Variants in MEGF11 observed in about 807,000 individuals in gnomAD.
The protein encoded by MEGF11 is multiple epidermal growth factor-like domains protein 11.
In MEGF11, 126 loss-of-function variants were observed where a neutral mutation model predicts 146.6. The observed-to-expected ratio is 0.86, with a 90% CI of 0.74 to 1.00. The LOEUF (loss-of-function observed/expected upper bound fraction) is 1.00. Among genes scored for constraint, MEGF11 ranks in the 50% least tolerant of loss-of-function variants. The pLI, the probability that MEGF11 is intolerant of heterozygous loss-of-function variation, is 0.00. For missense variants in MEGF11, 1,509 were observed against 1,521.2 expected, an observed-to-expected ratio of 0.99 and a Z score of 0.13; for synonymous variants, 532 against 583.4, an observed-to-expected ratio of 0.91 and a Z score of 1.27.
chr15:65,905,306 T>C (rs2078593625), intron 24 of MEGF11: 1 of 152,266 alleles, frequency 6.6e-6, no homozygotes, highest in Non-Finnish European at 1.5e-5. Flanking sequence ...TTACTCATGA[T>C]AACCTTGTTA....
intron 18 of MEGF11, among the ~76,000 whole-genome samples, chr15:65,915,816 C>T (rs1382409731): frequency 6.6e-6 from 1 of 152,066 alleles, no homozygotes. Flanking sequence ...CCTCATGCAA[C>T]ACATTTAAGC....
intron 10 of MEGF11, among the ~76,000 whole-genome samples, chr15:65,945,544 G>GT (rs1371539559): frequency 2.6e-5 from 4 of 152,202 alleles, no homozygotes; most frequent in Non-Finnish European, 5.9e-5. Flanking sequence ...TGCCACGCCA[G>GT]TTTATTTATT....
intron 1 of MEGF11, among the ~76,000 whole-genome samples, chr15:66,143,110 C>A (rs922992486): frequency 2.0e-5 from 3 of 152,156 alleles, no homozygotes; most frequent in Non-Finnish European, 4.4e-5. Flanking sequence ...TGCCACAGTG[C>A]GGATATCAAT....
intron 17 of MEGF11, 121 bp downstream of exon 17, chr15:65,916,707 A>G: frequency 6.7e-7 from 1 of 1,501,730 alleles, no homozygotes; most frequent in Non-Finnish European, 9.1e-7. Flanking sequence ...GGAGTCAGGT[A>G]CCACCAGTCC....
chr15:66,240,598 C>T (rs12050792), intron 1 of MEGF11, among the ~76,000 whole-genome samples: 14,538 of 152,274 alleles, frequency 0.095, 1,274 homozygotes, highest in East Asian at 0.46. Context: ...AAGCCTTTTA[C>T]CTGCCTTGTT....
chr15:66,058,226 AT>A (rs2084760130), intron 5 of MEGF11, among the ~76,000 whole-genome samples: 1 of 152,204 alleles, frequency 6.6e-6, no homozygotes, highest in South Asian at 2.1e-4. Flanking sequence ...TCTCAGCCAT[AT>A]AACAGGGCAA....
At chr15:66,037,722 T>C (rs2083780682) in intron 5 of MEGF11, among the ~76,000 whole-genome samples, 1 of 152,244 alleles carries the variant, frequency 6.6e-6, no homozygotes, top group Admixed American at 6.5e-5. Flanking sequence ...CAGGAGTTTA[T>C]TTCCCTTATT....
chr15:66,123,610 T>C (rs2088161718), intron 3 of MEGF11, among the ~76,000 whole-genome samples: 1 of 152,172 alleles, frequency 6.6e-6, no homozygotes, highest in East Asian at 1.9e-4. Flanking sequence ...CTAAGAGATG[T>C]TCCTGCCATC....
intron 25 of MEGF11, 169 bp downstream of exon 25, chr15:65,898,559 A>T (rs759939535): frequency 2.0e-6 from 2 of 985,256 alleles, no homozygotes; most frequent in African/African-American, 1.7e-5. Context: ...GACTTCCTGC[A>T]TTAGCTAGGA....
At chr15:65,925,231 C>A (rs1410926122) in intron 13 of MEGF11, among the ~76,000 whole-genome samples, 1 of 152,224 alleles carries the variant, frequency 6.6e-6, no homozygotes, top group East Asian at 1.9e-4. Flanking sequence ...TATAGCTACT[C>A]TCATTGTGGA....
At chr15:66,233,951 CT>C (rs57240560) in intron 1 of MEGF11, among the ~76,000 whole-genome samples, 1,633 of 119,830 alleles carry the variant, frequency 0.014, 13 homozygotes, top group South Asian at 0.08. Context: ...TTTTCTTTTT[CT>C]TTTTTTTTTT....
At chr15:66,024,408 C>T (rs2083260648) in intron 5 of MEGF11, among the ~76,000 whole-genome samples, 1 of 152,240 alleles carries the variant, frequency 6.6e-6, no homozygotes, top group Non-Finnish European at 1.5e-5. Flanking sequence ...GTGGAGGACA[C>T]TGAGGCTTGG....
In MEGF11 at chr15:66,225,407, A is replaced by G. The variant is rs143663681; in HGVS notation, c.-9+28198T>C. On this transcript the variant is annotated intron_variant, in intron 1 of 25. Coordinates refer to ENST00000395614, the MANE Select transcript of MEGF11 (RefSeq NM_001385028.1). ...CTGAGGATGCTGTTCTCCGTAGGTA[A>G]TATGGCCTTCAAGAGCCCTAGTGAG... Among the ~76,000 whole-genome samples the G allele has an allele frequency of 5.0e-3, 760 of 152,360 alleles. 5 individuals carry two copies. The highest frequency in any genetic ancestry group is 6.6e-3 in the Non-Finnish European group (450 of 68,034).
chr15:66,108,517 A>C (rs1472408450), intron 4 of MEGF11, among the ~76,000 whole-genome samples: 6 of 152,192 alleles, frequency 3.9e-5, no homozygotes, highest in Admixed American at 3.9e-4. Context: ...GGGTATAGAA[A>C]GATGTCAGGG....
rs559596117 is a variant in MEGF11 at position 66,215,162 on chromosome 15, G to A, written c.-9+38443C>T. 1.8e-3 allele frequency among the ~76,000 whole-genome samples: 269 copies of A among 152,244 alleles called. 2 individuals carry two copies. The highest frequency in any genetic ancestry group is 6.2e-3 in the African/African-American group (257 of 41,548). ...TTAATCTGAGTTCTAGTCTCAGTGC[G>A]TTTTCACTTTTTATCTGCTGGGCTC... On this transcript the variant is annotated intron_variant, in intron 1 of 25. Transcript: ENST00000395614.
intron 1 of MEGF11, among the ~76,000 whole-genome samples, chr15:66,157,557 G>T (rs74019505): frequency 2.6e-4 from 40 of 152,284 alleles, no homozygotes; most frequent in African/African-American, 9.4e-4. Flanking sequence ...CAGCAGCCCT[G>T]GGTCCAGAAT....
In MEGF11 at chr15:65,922,350, G is replaced by A; in HGVS notation, c.1945C>T (p.Leu649Phe). ...CTGGAGACAGTACCTTGGTTGCAGA[G>A]AGCTCCAGAGAATCCTGGGAGGCAC... is the stretch of plus-strand genomic sequence containing the variant. ...CECLPGFSGA[L>F]CNQVCAGGYF... The change falls in exon 15 of 26, where the codon CTC becomes TTC. Residue 649 changes from leucine (L) to phenylalanine (F), a missense_variant. Physicochemically the swap from Leu to Phe is conservative, Grantham distance 22. Transcript: ENST00000395614. 6.2e-7 allele frequency: 1 copy of A among 1,607,244 alleles called. No homozygotes were observed. Among genetic ancestry groups the A allele is most frequent in the Middle Eastern group, 1.7e-4 (1 of 6,056 alleles).
intron 1 of MEGF11, among the ~76,000 whole-genome samples, chr15:66,241,611 G>C (rs1249899739): frequency 6.6e-6 from 1 of 152,030 alleles, no homozygotes; most frequent in African/African-American, 2.4e-5. Flanking sequence ...AGGCTTTTTT[G>C]CGGGGAGGAG....
At chr15:66,250,912 A>AG (rs1936499694) in intron 1 of MEGF11, among the ~76,000 whole-genome samples, 1 of 152,132 alleles carries the variant, frequency 6.6e-6, no homozygotes, top group Non-Finnish European at 1.5e-5. Context: ...CAAAAAAAAA[A>AG]GAATGAAAAA....
Sources: gnomAD v4.1 joint callset for allele counts (sites outside exome capture counted in the v4.1 genomes callset) on GRCh38, gnomAD v4.1.1 for gene constraint, MANE v1.5 for transcripts, NCBI Gene and HGNC (gene_info 2026-07-23, HGNC 2026-07-21) for gene names.